The following OPCML variants were observed in gnomAD, a reference collection of about 807,000 sequenced individuals.
OPCML encodes the protein opioid binding protein/cell adhesion molecule like.
Under a neutral mutation model 37.8 loss-of-function variants are expected in OPCML, and 13 were observed. The observed-to-expected ratio is 0.34, with a 90% CI of 0.22 to 0.55. The LOEUF (loss-of-function observed/expected upper bound fraction) is 0.55. Among genes scored for constraint, OPCML ranks in the 20% least tolerant of loss-of-function variants. OPCML has a pLI of 0.91. For missense variants in OPCML, 341 were observed against 435.6 expected (o/e 0.78, Z 1.93); for synonymous variants, 176 against 168.8 (o/e 1.04, Z -0.33).
chr11:132,622,474 G>C (rs538163643), intron 3 of OPCML, among the ~76,000 whole-genome samples: 1 of 152,334 alleles, frequency 6.6e-6, no homozygotes, highest in South Asian at 2.1e-4. Flanking sequence ...TGAAATGGCA[G>C]AGAGAGAGGG....
At chr11:132,767,796 C>T (rs1217311228) in intron 2 of OPCML, among the ~76,000 whole-genome samples, 1 of 149,546 alleles carries the variant, frequency 6.7e-6, no homozygotes, top group African/African-American at 2.5e-5. Flanking sequence ...TAGAAATATT[C>T]AATATAATAG....
intron 1 of OPCML, among the ~76,000 whole-genome samples, chr11:133,367,654 T>C (rs1272892796): frequency 6.6e-6 from 1 of 152,246 alleles, no homozygotes; most frequent in Non-Finnish European, 1.5e-5. Context: ...TAGCATCTAA[T>C]AATAGCTCAA....
At chr11:133,179,335 G>T (rs1592078052) in intron 1 of OPCML, among the ~76,000 whole-genome samples, 2 of 152,286 alleles carry the variant, frequency 1.3e-5, no homozygotes, top group Non-Finnish European at 2.9e-5. Context: ...ACATCTCAGG[G>T]GTTGGTTGGC....
chr11:132,928,727 A>G (rs1447779097), intron 2 of OPCML, among the ~76,000 whole-genome samples: 3 of 152,104 alleles, frequency 2.0e-5, no homozygotes, highest in African/African-American at 7.2e-5. Context: ...AAGGCAAAAT[A>G]TAAGTATTAG....
chr11:132,811,003 G>A (rs1004576229), intron 2 of OPCML, among the ~76,000 whole-genome samples: 27 of 152,128 alleles, frequency 1.8e-4, no homozygotes, highest in Non-Finnish European at 4.0e-4. Context: ...TTTGCAGAAT[G>A]CTTCCTGAAG....
chr11:132,536,513 T>C (rs1385597494), intron 3 of OPCML, among the ~76,000 whole-genome samples: 2 of 152,194 alleles, frequency 1.3e-5, no homozygotes, highest in African/African-American at 2.4e-5. Context: ...TCTATTATTA[T>C]TGTTTTTACT....
intron 1 of OPCML, among the ~76,000 whole-genome samples, chr11:133,171,594 G>T (rs193127439): frequency 6.6e-6 from 1 of 152,208 alleles, no homozygotes; most frequent in African/African-American, 2.4e-5. Flanking sequence ...GCCAGCGCTC[G>T]AACTGTTTGC....
chr11:132,592,119 A>G (rs1485006158), intron 3 of OPCML, among the ~76,000 whole-genome samples: 1 of 152,258 alleles, frequency 6.6e-6, no homozygotes, highest in Non-Finnish European at 1.5e-5. Context: ...ACGAAGAGCA[A>G]TATCAACTCA....
chr11:133,401,282 A>G (rs373684417), intron 1 of OPCML, among the ~76,000 whole-genome samples: 1 of 152,192 alleles, frequency 6.6e-6, no homozygotes, highest in African/African-American at 2.4e-5. Flanking sequence ...AGACCACTAT[A>G]AAGAGATAGA....
intron 1 of OPCML, among the ~76,000 whole-genome samples, chr11:133,303,683 T>C (rs1942840284): frequency 6.6e-6 from 1 of 152,188 alleles, no homozygotes; most frequent in African/African-American, 2.4e-5. Context: ...GGGTACGTTA[T>C]TGATAAACTG....
intron 7 of OPCML, among the ~76,000 whole-genome samples, chr11:132,420,913 A>C (rs2095956359): frequency 1.3e-5 from 2 of 152,168 alleles, no homozygotes. Flanking sequence ...GCCTTGAAGC[A>C]GATCAACATG....
At chr11:132,981,933 T>G (rs1466216533) in intron 1 of OPCML, among the ~76,000 whole-genome samples, 1 of 152,206 alleles carries the variant, frequency 6.6e-6, no homozygotes, top group African/African-American at 2.4e-5. Flanking sequence ...GTTTACAGGT[T>G]TAACGTATTT....
At chr11:132,841,444 G>A (rs1318014512) in intron 2 of OPCML, among the ~76,000 whole-genome samples, 1 of 152,164 alleles carries the variant, frequency 6.6e-6, no homozygotes, top group Non-Finnish European at 1.5e-5. Flanking sequence ...CAAGGCCCAG[G>A]GGGGTTAAAA....
intron 1 of OPCML, among the ~76,000 whole-genome samples, chr11:133,506,831 A>G (rs1279485275): frequency 2.6e-5 from 4 of 152,332 alleles, no homozygotes; most frequent in Middle Eastern, 3.4e-3. Flanking sequence ...AGGCAGGAGA[A>G]CGCACTCGGT....
intron 2 of OPCML, among the ~76,000 whole-genome samples, chr11:132,904,528 T>C (rs1030348557): frequency 1.3e-5 from 2 of 152,236 alleles, no homozygotes; most frequent in African/African-American, 4.8e-5. Context: ...ATTTGGAGAA[T>C]TGTTTCCAAA....
At chr11:133,189,204 CTAAA>C (rs967748069) in intron 1 of OPCML, among the ~76,000 whole-genome samples, 1 of 151,978 alleles carries the variant, frequency 6.6e-6, no homozygotes, top group African/African-American at 2.4e-5. Flanking sequence ...TATATATTTG[CTAAA>C]TAAATAAATG....
chr11:132,920,598 G>T (rs557058702), intron 2 of OPCML, among the ~76,000 whole-genome samples: 1 of 152,080 alleles, frequency 6.6e-6, no homozygotes, highest in African/African-American at 2.4e-5. Context: ...GGACAGCCGC[G>T]GCCCCTGGGA....
chr11:132,500,431 G>A, intron 4 of OPCML, among the ~76,000 whole-genome samples: 1 of 152,144 alleles, frequency 6.6e-6, no homozygotes, highest in East Asian at 1.9e-4. Flanking sequence ...TTAACCTTGG[G>A]TCCAGGGAAC....
At chr11:133,417,801 A>T (rs1037696306) in intron 1 of OPCML, among the ~76,000 whole-genome samples, 1 of 152,150 alleles carries the variant, frequency 6.6e-6, no homozygotes, top group Non-Finnish European at 1.5e-5. Flanking sequence ...TGCCTTGTGT[A>T]AGGGGCATTG....
Sources: allele counts gnomAD v4.1 joint callset (sites outside exome capture counted in the v4.1 genomes callset), GRCh38; gene constraint gnomAD v4.1.1; transcripts MANE v1.5; gene names NCBI Gene and HGNC (gene_info 2026-07-23, HGNC 2026-07-21).